The following EIF4G2 variants were observed in gnomAD, a reference collection of about 807,000 sequenced individuals.
EIF4G2 encodes the protein DAP-5.
EIF4G2 carries 8 observed loss-of-function variants against 117.7 expected under a neutral mutation model. That is an observed-to-expected ratio of 0.07 (90% CI 0.04 to 0.12). The LOEUF is 0.12. Among genes scored for constraint, EIF4G2 ranks in the 10% least tolerant of loss-of-function variants. EIF4G2 has a pLI of 1.00. For synonymous variants in EIF4G2, 413 were observed against 367.8 expected, an observed-to-expected ratio of 1.12 and a Z score of -1.41; for missense variants, 812 against 1,086.2, an observed-to-expected ratio of 0.75 and a Z score of 3.55.
In EIF4G2 at chr11:10,801,319, C is replaced by G. The variant is rs537928703; in HGVS notation, c.1414-232G>C. ...AAATCTTACATTCTCTTAGAATTAG[C>G]ATGACTAAAATATTCAAATAAAAAA... On this transcript the variant is annotated intron_variant, in intron 14 of 21. Transcript: ENST00000339995. The G allele has an allele frequency of 6.4e-5, 41 of 638,276 alleles. No individual in the cohort carries two copies. The African/African-American group carries it at 7.3e-4, about 11-fold the overall frequency. The allele number at this position is 638,276 out of a possible 1,614,324, so 39.5% of individuals were successfully genotyped here.
rs1847299997 is a variant in EIF4G2 at position 10,797,792 on chromosome 11, C to A, written c.*24G>T. 7 of 1,613,050 alleles carry A rather than the reference C, an allele frequency of 4.3e-6. No individual in the cohort carries two copies. In the South Asian group the frequency reaches 5.5e-5, roughly 13 times the overall value. On this transcript the variant is annotated 3_prime_UTR_variant, in exon 22 of 22. Transcript: ENST00000339995. This position sits in a 1 kb window ranked among gnomAD's most constrained non-coding sequence, Gnocchi z 4.5. ...CATCATAGCAACAGTATGTTTTGCA[C>A]AATTTAAGGCTTTGGCTGGTTCTTT...
chr11:10,800,660 C>T lies in EIF4G2; in HGVS notation c.1645-13G>A, dbSNP rs773182533. ...TCACAACAGTTTCCTGTGAAGAACA[C>T]AAGTATCTTTAATGTATTCTCTATC... On this transcript the variant is annotated splice_polypyrimidine_tract_variant and intron_variant, in intron 16 of 21. Transcript: ENST00000339995. 10 of 1,613,888 alleles carry T rather than the reference C, an allele frequency of 6.2e-6. No individual in the cohort carries two copies. In the Admixed American group the frequency reaches 1.7e-4, roughly 27 times the overall value.
chr11:10,804,067 T>C lies in EIF4G2; in HGVS notation c.551-17A>G, dbSNP rs920645755. On this transcript the variant is annotated splice_polypyrimidine_tract_variant and intron_variant, in intron 7 of 21. Coordinates refer to ENST00000339995, the MANE Select transcript of EIF4G2 (RefSeq NM_001418.4). The stretch of plus-strand genomic sequence containing the variant: ...TATCATAGACTGAAAAAGATACCAA[T>C]GAAGTAAGCCAACATTCAGAATTAA... 8 of 1,612,786 alleles carry C rather than the reference T, an allele frequency of 5.0e-6. No homozygotes were observed. The Admixed American group carries it at 1.0e-4, about 20-fold the overall frequency.
rs759385986 is a variant in EIF4G2, at chr11:10,803,434, T to C, written c.813+46A>G. The stretch of plus-strand genomic sequence containing the variant: ...GATGTCACAAAAATCAATAGCTTGA[T>C]TTAAAGACAAACTACTTGTACTACT... On this transcript the variant is annotated intron_variant, in intron 9 of 21. Transcript: ENST00000339995. The surrounding 1 kb of genome is among the most constrained non-coding windows in gnomAD (Gnocchi z 4.0). 1.5e-5 allele frequency: 24 copies of C among 1,586,380 alleles called. No individual in the cohort carries two copies. The highest frequency in any genetic ancestry group is 5.0e-5 in the Admixed American group (3 of 59,470).
chr11:10,799,953 G>C (rs1053049266), intron 18 of EIF4G2, 137 bp downstream of exon 18: 2 of 1,160,596 alleles, frequency 1.7e-6, no homozygotes, highest in Admixed American at 2.4e-5. Context: ...CTCTTTATAG[G>C]TGAGATCTGT....
chr11:10,798,955 T>A (rs943796273), intron 21 of EIF4G2, 37 bp downstream of exon 21: 4 of 1,577,014 alleles, frequency 2.5e-6, no homozygotes, highest in Non-Finnish European at 3.4e-6. Context: ...CCAAGCAAAC[T>A]GAAGTAAGCA....
rs1332956810 is a variant in EIF4G2, at chr11:10,797,812, T to C, written c.*4A>G. The C allele has an allele frequency of 6.2e-7, 1 of 1,613,996 alleles. No individual in the cohort carries two copies. Among genetic ancestry groups the C allele is most frequent in the South Asian group, 1.1e-5 (1 of 91,078 alleles). ...TTGCACAATTTAAGGCTTTGGCTGG[T>C]TCTTTAGTCAGCTTCTTCCTCTGAT... On this transcript the variant is annotated 3_prime_UTR_variant, in exon 22 of 22. Coordinates refer to ENST00000339995, the MANE Select transcript of EIF4G2 (RefSeq NM_001418.4). The surrounding 1 kb of genome is among the most constrained non-coding windows in gnomAD (Gnocchi z 4.5).
intron 1 of EIF4G2, chr11:10,807,949 A>C: frequency 2.0e-6 from 2 of 1,017,044 alleles, no homozygotes; most frequent in Non-Finnish European, 2.4e-6. Context: ...CCTTCCTGGG[A>C]ACAAAAGAGC....
At chr11:10,798,085 C>T (rs900328620) in intron 21 of EIF4G2, among the ~76,000 whole-genome samples, 1 of 152,158 alleles carries the variant, frequency 6.6e-6, no homozygotes, top group Non-Finnish European at 1.5e-5. Context: ...AAGGATGATC[C>T]TCGTGAATCT....
intron 15 of EIF4G2, 33 bp from the exon 16 acceptor site, chr11:10,800,868 A>C: frequency 6.2e-7 from 1 of 1,612,214 alleles, no homozygotes; most frequent in Non-Finnish European, 8.5e-7. Flanking sequence ...CTTTTTTTAA[A>C]AAGAGGACTA....
At position 10,803,401 on chromosome 11, in the gene EIF4G2, TCC is replaced by T. The variant is rs1847480585; in HGVS notation, c.813+77_813+78del. ...CCCAGTTAATGGCTAAATATGGCAA[TCC>T]CTTATGATGTCACAAAAATCAATAG... is the stretch of plus-strand genomic sequence containing the variant. On this transcript the variant is annotated intron_variant, in intron 9 of 21. Transcript: ENST00000339995. This position sits in a 1 kb window ranked among gnomAD's most constrained non-coding sequence, Gnocchi z 4.0. 1 of 1,552,904 alleles carries T rather than the reference TCC, an allele frequency of 6.4e-7. No individual in the cohort carries two copies.
chr11:10,807,643 T>C (rs1847621521), intron 1 of EIF4G2: 5 of 1,064,562 alleles, frequency 4.7e-6, no homozygotes, highest in Middle Eastern at 4.3e-4. Context: ...AAAAGCCACA[T>C]TCTACTATCT....
chr11:10,802,692 C>T (rs143778159), intron 11 of EIF4G2, among the ~76,000 whole-genome samples: 1,584 of 152,180 alleles, frequency 0.01, 36 homozygotes, highest in African/African-American at 0.036. Flanking sequence ...ATGGTGGAAC[C>T]CTGTCTCTAC....
intron 3 of EIF4G2, chr11:10,806,529 C>T: frequency 2.5e-6 from 1 of 401,200 alleles, no homozygotes; most frequent in Admixed American, 3.9e-5. Flanking sequence ...GTGCGTACTA[C>T]TTTACTAATA....
In EIF4G2 at chr11:10,803,205, T is replaced by C; in HGVS notation, c.897+6A>G. Reference sequence around the variant, plus strand: ...TTACCAACAAATTTAAAGAAACCAGTATTACCTGCAGCAGGAAACGAATCC... The same window carrying C: ...TTACCAACAAATTTAAAGAAACCAGCATTACCTGCAGCAGGAAACGAATCC... On this transcript the variant is annotated splice_donor_region_variant and intron_variant, in intron 10 of 21. Transcript: ENST00000339995. This position sits in a 1 kb window ranked among gnomAD's most constrained non-coding sequence, Gnocchi z 4.0. The C allele has an allele frequency of 6.2e-7, 1 of 1,613,264 alleles. No individual in the cohort carries two copies. Among genetic ancestry groups the C allele is most frequent in the Non-Finnish European group, 8.5e-7 (1 of 1,179,758 alleles).
At chr11:10,804,882 C>G (rs1564984388) in intron 5 of EIF4G2, 31 bp downstream of exon 5, 3 of 1,565,888 alleles carry the variant, frequency 1.9e-6, no homozygotes, top group Non-Finnish European at 2.6e-6. Flanking sequence ...TTCCCTCTCC[C>G]TTTTGAGTTA....
chr11:10,805,196 GA>G (rs1305604417), intron 4 of EIF4G2, among the ~76,000 whole-genome samples, 181 bp from the exon 5 acceptor site: 5 of 152,164 alleles, frequency 3.3e-5, no homozygotes. Context: ...TAATTACAAT[GA>G]TTTGAATTGG....
chr11:10,804,812 C>T, intron 5 of EIF4G2, 101 bp downstream of exon 5: 1 of 970,474 alleles, frequency 1.0e-6, no homozygotes, highest in South Asian at 1.4e-5. Context: ...CTAACTCACA[C>T]CTAAGGGTTT....
chr11:10,807,064 G>C (rs534135660), intron 2 of EIF4G2, 179 bp from the exon 3 acceptor site: 9 of 1,128,072 alleles, frequency 8.0e-6, no homozygotes, highest in Admixed American at 2.5e-5. Flanking sequence ...GACTGAACTC[G>C]GACCCAAAGG....
Sources: gnomAD v4.1 joint callset for allele counts (sites outside exome capture counted in the v4.1 genomes callset) on GRCh38, gnomAD v4.1.1 for gene constraint, Gnocchi (gnomAD v3.1) non-coding constraint, MANE v1.5 for transcripts, NCBI Gene and HGNC (gene_info 2026-07-23, HGNC 2026-07-21) for gene names.